Variants in HPSE2 observed in about 807,000 individuals in gnomAD.
HPSE2 encodes inactive heparanase-2.
In HPSE2, 38 loss-of-function variants were observed where a neutral mutation model predicts 60.5. The ratio of observed to expected loss-of-function variants is 0.63; its 90% CI spans 0.48 to 0.82. The LOEUF is 0.82. Ranked by LOEUF, HPSE2 falls within the 40% of genes least tolerant of loss-of-function variation. The pLI is 0.00. For missense variants in HPSE2, 713 were observed against 740.4 expected (o/e 0.96, Z 0.43); for synonymous variants, 295 against 293.2 (o/e 1.01, Z -0.06).
At chr10:98,840,953 C>T (rs1366451360) in intron 3 of HPSE2, among the ~76,000 whole-genome samples, 1 of 152,158 alleles carries the variant, frequency 6.6e-6, no homozygotes, top group Non-Finnish European at 1.5e-5. Flanking sequence ...CTAATTAACA[C>T]TTATGAACTT....
chr10:98,520,254 T>C (rs1942743938), intron 9 of HPSE2, among the ~76,000 whole-genome samples: 1 of 152,154 alleles, frequency 6.6e-6, no homozygotes, highest in Non-Finnish European at 1.5e-5. Context: ...GGGACATGTT[T>C]TCTATGCTTG....
intron 11 of HPSE2, among the ~76,000 whole-genome samples, chr10:98,480,093 A>ATTTT (rs35831340): frequency 5.4e-4 from 78 of 145,180 alleles, no homozygotes; most frequent in African/African-American, 1.3e-3. Flanking sequence ...CCTCTCCTAC[A>ATTTT]TTTTTTTTTT....
At position 98,620,694 on chromosome 10, in the gene HPSE2, G is replaced by A. The variant is rs999426851; in HGVS notation, c.1113C>T (p.Tyr371=). 1 of 1,613,134 alleles carries A rather than the reference G, an allele frequency of 6.2e-7. No homozygotes were observed. The highest frequency in any genetic ancestry group is 8.5e-7 in the Non-Finnish European group (1 of 1,179,190). Reference sequence around the variant, plus strand: ...CAAGCCAAATCTTCTTTCCTGGAGTGTATGTATTAACCACCTGTTTACACA... The same window carrying A: ...CAAGCCAAATCTTCTTTCCTGGAGTATATGTATTAACCACCTGTTTACACA... The part of the protein sequence containing the change: ...IRKIQKVVNT[Y]TPGKKIWLEG... Residue 371 remains tyrosine (Y), a synonymous_variant, in exon 8 of 12, where the codon TAC becomes TAT. Coordinates refer to ENST00000370552, the MANE Select transcript of HPSE2 (RefSeq NM_021828.5).
At chr10:98,604,527 AGAAG>A (rs1252452489) in intron 9 of HPSE2, among the ~76,000 whole-genome samples, 4 of 152,192 alleles carry the variant, frequency 2.6e-5, no homozygotes, top group African/African-American at 9.6e-5. Flanking sequence ...GTAACAAACT[AGAAG>A]GAGAAGAAAG....
intron 3 of HPSE2, among the ~76,000 whole-genome samples, chr10:98,955,164 T>C (rs1278928655): frequency 6.6e-6 from 1 of 151,796 alleles, no homozygotes; most frequent in Non-Finnish European, 1.5e-5. Flanking sequence ...CAATTTGTTA[T>C]TAGACAACCT....
chr10:98,757,959 C>A (rs2134376468), intron 3 of HPSE2, among the ~76,000 whole-genome samples: 2 of 152,178 alleles, frequency 1.3e-5, no homozygotes, highest in South Asian at 4.1e-4. Flanking sequence ...GCTACAAAAA[C>A]CAAAACAGCA....
At chr10:99,041,750 C>T (rs1205284529) in intron 3 of HPSE2, among the ~76,000 whole-genome samples, 2 of 152,186 alleles carry the variant, frequency 1.3e-5, no homozygotes, top group African/African-American at 2.4e-5. Flanking sequence ...GTGTAGTCAT[C>T]CCACCCACAC....
chr10:99,186,183 C>A (rs1415667233), intron 2 of HPSE2, among the ~76,000 whole-genome samples: 1 of 134,898 alleles, frequency 7.4e-6, no homozygotes, highest in African/African-American at 2.8e-5. Context: ...CTGCTAAAAA[C>A]CACAGACAAA....
At chr10:98,736,026 T>G (rs1949348065) in intron 4 of HPSE2, among the ~76,000 whole-genome samples, 1 of 151,924 alleles carries the variant, frequency 6.6e-6, no homozygotes, top group Admixed American at 6.6e-5. Flanking sequence ...AATGATATGG[T>G]TTGGTTTGGC....
rs193075312 is a variant in HPSE2 at position 98,870,534 on chromosome 10, G to C, written c.611-126478C>G. Among the ~76,000 whole-genome samples the C allele has an allele frequency of 1.7e-3, 259 of 152,256 alleles. 3 individuals are homozygous for C. The highest frequency in any genetic ancestry group is 5.7e-3 in the African/African-American group (236 of 41,556). On this transcript the variant is annotated intron_variant, in intron 3 of 11. Coordinates refer to ENST00000370552, the MANE Select transcript of HPSE2 (RefSeq NM_021828.5). ...GGAGACTGTATCTACTGTGAAAACA[G>C]CCTCAGCAATAGAAGTTGAACCTTG... is the stretch of plus-strand genomic sequence containing the variant.
At chr10:98,684,441 C>T (rs1055359542) in intron 6 of HPSE2, among the ~76,000 whole-genome samples, 9 of 151,842 alleles carry the variant, frequency 5.9e-5, no homozygotes, top group Non-Finnish European at 1.2e-4. Flanking sequence ...TAATAAATAA[C>T]TCCAGGGTAA....
intron 3 of HPSE2, among the ~76,000 whole-genome samples, chr10:98,828,148 CTCTA>C (rs146101801): frequency 0.05 from 7,544 of 152,238 alleles, 576 homozygotes; most frequent in African/African-American, 0.17. Flanking sequence ...TAAAATAAAT[CTCTA>C]TCTCTCTGTC....
chr10:98,818,861 CA>C (rs1565186158), intron 3 of HPSE2, among the ~76,000 whole-genome samples: 4 of 152,142 alleles, frequency 2.6e-5, no homozygotes. Context: ...TAAATAGGTT[CA>C]CCTTGAATGG....
At chr10:98,929,055 A>G (rs1351702626) in intron 3 of HPSE2, among the ~76,000 whole-genome samples, 2 of 143,516 alleles carry the variant, frequency 1.4e-5, no homozygotes, top group East Asian at 2.0e-4. Flanking sequence ...AAAAAAACAA[A>G]CAAACAAGCT....
chr10:98,856,241 ACAAT>A (rs1952311987), intron 3 of HPSE2, among the ~76,000 whole-genome samples: 1 of 152,182 alleles, frequency 6.6e-6, no homozygotes, highest in African/African-American at 2.4e-5. Context: ...AAGAATCAAA[ACAAT>A]CAATAAAATA....
intron 11 of HPSE2, among the ~76,000 whole-genome samples, chr10:98,468,114 G>T (rs1564899445): frequency 6.6e-6 from 1 of 152,270 alleles, no homozygotes. Flanking sequence ...CCTTCTCCAG[G>T]TCAGGGGCAG....
At chr10:99,258,089 T>C in the HPSE2 span, among the ~76,000 whole-genome samples, 1 of 151,624 alleles carries the variant, frequency 6.6e-6, no homozygotes, top group Non-Finnish European at 1.5e-5. Flanking sequence ...TGCAGTGAGC[T>C]GAGATCATGC....
At chr10:99,076,541 C>T (rs1842956436) in intron 3 of HPSE2, among the ~76,000 whole-genome samples, 1 of 152,190 alleles carries the variant, frequency 6.6e-6, no homozygotes, top group South Asian at 2.1e-4. Context: ...GCATGAGCCA[C>T]CACACCTGGC....
intron 3 of HPSE2, among the ~76,000 whole-genome samples, chr10:98,926,523 G>A (rs1954468212): frequency 6.6e-6 from 1 of 152,114 alleles, no homozygotes; most frequent in Non-Finnish European, 1.5e-5. Context: ...AGCTTTTTGG[G>A]TAGTAGAAAA....
Sources: allele counts gnomAD v4.1 joint callset (sites outside exome capture counted in the v4.1 genomes callset), GRCh38; gene constraint gnomAD v4.1.1; transcripts MANE v1.5; gene names NCBI Gene and HGNC (gene_info 2026-07-23, HGNC 2026-07-21).